The following METTL15 variants were observed in gnomAD, a reference collection of about 807,000 sequenced individuals.
METTL15 encodes the protein 12S rRNA N(4)-cytidine methyltransferase METTL15.
Under a neutral mutation model 38.3 loss-of-function variants are expected in METTL15, and 34 were observed. The ratio of observed to expected loss-of-function variants is 0.89; its 90% CI spans 0.68 to 1.18. METTL15 has a LOEUF of 1.18. Ranked by LOEUF, METTL15 falls within the 50% of genes most tolerant of loss-of-function variation. The pLI is 0.00. For missense variants in METTL15, 438 were observed against 498.4 expected, an observed-to-expected ratio of 0.88 and a Z score of 1.15; for synonymous variants, 162 against 170.9, an observed-to-expected ratio of 0.95 and a Z score of 0.41.
chr11:28,126,583 G>C (rs1267372947), intron 3 of METTL15, among the ~76,000 whole-genome samples: 1 of 152,124 alleles, frequency 6.6e-6, no homozygotes, highest in African/African-American at 2.4e-5. Flanking sequence ...GGTGAAGAGA[G>C]GCAAGGATAG....
intron 6 of METTL15, among the ~76,000 whole-genome samples, chr11:28,481,413 C>G (rs1368896879): frequency 1.3e-5 from 2 of 152,134 alleles, no homozygotes; most frequent in Admixed American, 6.5e-5. Context: ...TGTAGGCTTC[C>G]CATGAACACA....
chr11:28,297,008 C>A lies in METTL15; in HGVS notation c.778+77C>A. 4.3e-6 allele frequency: 6 copies of A among 1,388,512 alleles called. No homozygotes were observed. The South Asian group carries it at 7.3e-5, about 17-fold the overall frequency. The allele number at this position is 1,388,512 out of a possible 1,614,324, so 86.0% of individuals were successfully genotyped here. ...GTGTGCATGTGTTTGTGTGCATGCA[C>A]GCATGCACATGTGTGTGTGCATTAA... On this transcript the variant is annotated intron_variant, in intron 6 of 6. Coordinates refer to ENST00000407364, the MANE Select transcript of METTL15 (RefSeq NM_001113528.2).
intron 3 of METTL15, among the ~76,000 whole-genome samples, chr11:28,165,080 C>CTA (rs1430289626): frequency 1.3e-5 from 2 of 152,032 alleles, no homozygotes; most frequent in Non-Finnish European, 2.9e-5. Flanking sequence ...TTTCTTTATG[C>CTA]ATTTGTCCAC....
At chr11:28,375,329 T>A (rs1170607116) in intron 5 of METTL15, among the ~76,000 whole-genome samples, 2 of 151,526 alleles carry the variant, frequency 1.3e-5, no homozygotes, top group African/African-American at 4.9e-5. Flanking sequence ...TATTGATTAT[T>A]GCCATAATTT....
At chr11:28,295,240 A>G (rs1246527762) in intron 5 of METTL15, among the ~76,000 whole-genome samples, 1 of 152,084 alleles carries the variant, frequency 6.6e-6, no homozygotes, top group Non-Finnish European at 1.5e-5. Context: ...CCATTCTGTG[A>G]GTTAAGAATT....
At chr11:28,231,918 T>G (rs1255170501) in intron 4 of METTL15, among the ~76,000 whole-genome samples, 1 of 151,870 alleles carries the variant, frequency 6.6e-6, no homozygotes, top group East Asian at 1.9e-4. Flanking sequence ...TTTATACTTT[T>G]CAAACCCTGG....
intron 3 of METTL15, among the ~76,000 whole-genome samples, chr11:28,166,604 A>G (rs1320540315): frequency 1.3e-5 from 2 of 152,172 alleles, no homozygotes; most frequent in African/African-American, 4.8e-5. Flanking sequence ...ATGTTTTATT[A>G]AATTACTTTT....
intron 4 of METTL15, among the ~76,000 whole-genome samples, chr11:28,224,042 C>G (rs546721481): frequency 6.6e-6 from 1 of 151,834 alleles, no homozygotes; most frequent in South Asian, 2.1e-4. Context: ...ATATAATAAA[C>G]TGTTATTTTC....
At chr11:28,236,367 G>A (rs1258498961) in intron 4 of METTL15, among the ~76,000 whole-genome samples, 2 of 152,168 alleles carry the variant, frequency 1.3e-5, no homozygotes, top group African/African-American at 2.4e-5. Flanking sequence ...GATTGGAATA[G>A]TTTCAGAAGG....
chr11:28,286,811 A>G (rs534531660), intron 4 of METTL15, among the ~76,000 whole-genome samples: 1 of 151,950 alleles, frequency 6.6e-6, no homozygotes, highest in Non-Finnish European at 1.5e-5. Flanking sequence ...TCATATTAAT[A>G]TCAAATAGTA....
intron 4 of METTL15, among the ~76,000 whole-genome samples, chr11:28,256,170 G>A (rs549902495): frequency 6.6e-6 from 1 of 152,278 alleles, no homozygotes; most frequent in East Asian, 1.9e-4. Context: ...GTTTTGATGT[G>A]TCTTTCTCTT....
chr11:28,345,195 G>A (rs971225841), intron 3 of METTL15, among the ~76,000 whole-genome samples: 5 of 151,926 alleles, frequency 3.3e-5, no homozygotes, highest in Admixed American at 6.6e-5. Context: ...TGTTGTTGTC[G>A]TTGTTATCAT....
chr11:28,170,953 G>T, intron 3 of METTL15, among the ~76,000 whole-genome samples: 1 of 152,150 alleles, frequency 6.6e-6, no homozygotes, highest in East Asian at 1.9e-4. Context: ...AGATGGAGTC[G>T]CTGTGGTTCG....
chr11:28,276,444 T>A (rs369172460), intron 4 of METTL15, among the ~76,000 whole-genome samples: 1 of 152,054 alleles, frequency 6.6e-6, no homozygotes, highest in Non-Finnish European at 1.5e-5. Context: ...AAATTGAAGA[T>A]GACACAAATT....
At chr11:28,212,781 C>A (rs1005808998) in intron 4 of METTL15, among the ~76,000 whole-genome samples, 2 of 152,058 alleles carry the variant, frequency 1.3e-5, no homozygotes, top group Admixed American at 6.6e-5. Context: ...GATGTGGAAT[C>A]CACAGATAAG....
At chr11:28,501,877 A>G (rs1320845779) in intron 6 of METTL15, among the ~76,000 whole-genome samples, 1 of 152,140 alleles carries the variant, frequency 6.6e-6, no homozygotes, top group East Asian at 1.9e-4. Context: ...AGGCAGGCGG[A>G]TCACGAAGTC....
At chr11:28,161,697 GA>G (rs886831847) in intron 3 of METTL15, among the ~76,000 whole-genome samples, 8 of 151,758 alleles carry the variant, frequency 5.3e-5, no homozygotes, top group Non-Finnish European at 1.0e-4. Flanking sequence ...AAATTGAATA[GA>G]AAATATGACT....
chr11:28,299,880 T>C (rs1856855336), intron 6 of METTL15, among the ~76,000 whole-genome samples: 1 of 152,112 alleles, frequency 6.6e-6, no homozygotes, highest in African/African-American at 2.4e-5. Flanking sequence ...CAATCCTTGG[T>C]GTTCCTTGGC....
At chr11:28,491,320 A>G (rs150683467) in intron 6 of METTL15, among the ~76,000 whole-genome samples, 1 of 152,252 alleles carries the variant, frequency 6.6e-6, no homozygotes, top group East Asian at 1.9e-4. Context: ...TTCATTCTTG[A>G]TTCTAGAAGG....
Sources: gnomAD v4.1 joint callset for allele counts (sites outside exome capture counted in the v4.1 genomes callset) on GRCh38, gnomAD v4.1.1 for gene constraint, MANE v1.5 for transcripts, NCBI Gene and HGNC (gene_info 2026-07-23, HGNC 2026-07-21) for gene names.